The following SLC24A5 variants were observed in gnomAD, a reference collection of about 807,000 sequenced individuals.
SLC24A5 encodes sodium/potassium/calcium exchanger 5.
Under a neutral mutation model 51.6 loss-of-function variants are expected in SLC24A5, and 46 were observed. That is an observed-to-expected ratio of 0.89 (90% CI 0.70 to 1.14). SLC24A5 has a LOEUF of 1.14. SLC24A5 is among the 50% of genes most tolerant of loss of function. The pLI is 0.00. For missense variants in SLC24A5, 581 were observed against 604.1 expected (o/e 0.96, Z 0.40); for synonymous variants, 230 against 214.9 (o/e 1.07, Z -0.62).
In SLC24A5 at chr15:48,134,907, CCT is replaced by C. The variant is rs771026148; in HGVS notation, c.514_515del (p.Leu172IlefsTer10). The C allele has an allele frequency of 4.3e-6, 7 of 1,611,704 alleles. No individual in the cohort carries two copies. The highest frequency in any genetic ancestry group is 5.9e-6 in the Non-Finnish European group (7 of 1,178,636). On this transcript the variant is annotated frameshift_variant, in exon 5 of 9. Transcript: ENST00000341459. LOFTEE classifies it high-confidence loss of function. The stretch of plus-strand genomic sequence containing the variant: ...AGGTCTCAACACTATCATGTTGGCC[CCT>C]ATTCAGAGACTGTGCAGCGTACACA... ...NTVSTLSCWP[L>X]FRDCAAYTIS...
chr15:48,136,440 C>T lies in SLC24A5; in HGVS notation c.591-243C>T, dbSNP rs529701659. The T allele has an allele frequency of 3.2e-5, 11 of 339,954 alleles. No individual in the cohort carries two copies. In the South Asian group the frequency reaches 1.2e-3, roughly 38 times the overall value. The allele number at this position is 339,954 out of a possible 1,614,324, so 21.1% of individuals were successfully genotyped here. A position where few individuals can be genotyped will look rare whatever the true frequency, so the allele number is the denominator to read the frequency against. On this transcript the variant is annotated intron_variant, in intron 5 of 8. Coordinates refer to ENST00000341459, the MANE Select transcript of SLC24A5 (RefSeq NM_205850.3). ...TTTGGAAGGAATCTACAAGTAAAAA[C>T]GAGTTTGTTGATCTTGTTTTTAAAA... is the stretch of plus-strand genomic sequence containing the variant.
In SLC24A5 at chr15:48,133,246, G is replaced by A. The variant is rs150841622; in HGVS notation, c.302-1012G>A. 1.2e-4 allele frequency among the ~76,000 whole-genome samples: 18 copies of A among 152,246 alleles called. No individual in the cohort carries two copies. The East Asian group carries it at 3.5e-3, about 29-fold the overall frequency. On this transcript the variant is annotated intron_variant, in intron 2 of 8. Transcript: ENST00000341459. ...AAACCCAAATTCTAGTTCTGACTTC[G>A]ATACTAACTTTGTGACCTAGGGTAG... is the stretch of plus-strand genomic sequence containing the variant.
chr15:48,139,513 T>G, intron 7 of SLC24A5: 1 of 163,038 alleles, frequency 6.1e-6, no homozygotes, highest in Non-Finnish European at 1.3e-5. Flanking sequence ...TTGAATTCCA[T>G]TCCATAATAA....
rs1292941286 is a variant in SLC24A5 at position 48,135,980 on chromosome 15, CAGACAG to C, written c.591-699_591-694del. The C allele has an allele frequency of 7.9e-5, 12 of 152,218 alleles. No homozygotes were observed. In the East Asian group the frequency reaches 2.1e-3, roughly 27 times the overall value. 9.4% of individuals were successfully genotyped at this position (152,218 alleles called of 1,614,324 possible). A position where few individuals can be genotyped will look rare whatever the true frequency, so the allele number is the denominator to read the frequency against. On this transcript the variant is annotated intron_variant, in intron 5 of 8. Coordinates refer to ENST00000341459, the MANE Select transcript of SLC24A5 (RefSeq NM_205850.3). Reference sequence around the variant, plus strand: ...ATCAGAACTGTTCTTTAAGATACAGCAGACAGAGATTCACTGGCTATAAAAGGTAAA... The same window carrying C: ...ATCAGAACTGTTCTTTAAGATACAGCAGATTCACTGGCTATAAAAGGTAAA...
intron 2 of SLC24A5, among the ~76,000 whole-genome samples, chr15:48,131,631 C>A (rs550961334): frequency 3.5e-4 from 54 of 152,290 alleles, no homozygotes; most frequent in Non-Finnish European, 6.8e-4. Flanking sequence ...GATGCCCAAT[C>A]TTGAACTTTT....
intron 8 of SLC24A5, 29 bp downstream of exon 8, chr15:48,141,243 G>C (rs761577296): frequency 6.6e-7 from 1 of 1,515,130 alleles, no homozygotes; most frequent in African/African-American, 1.4e-5. Context: ...AAGCTGCAAT[G>C]GTCATTCTAC....
In SLC24A5 at chr15:48,136,977, C is replaced by T. The variant is rs895285439; in HGVS notation, c.871+14C>T. On this transcript the variant is annotated intron_variant, in intron 6 of 8. Transcript: ENST00000341459. ...AGGTTTCTGAAGGTAATCACTAAAT[C>T]TTGCCCATTATTAAGTCTATTCGCA... is the stretch of plus-strand genomic sequence containing the variant. The T allele has an allele frequency of 6.3e-7, 1 of 1,598,492 alleles. No homozygotes were observed.
intron 5 of SLC24A5, chr15:48,135,788 T>G (rs2038882823): frequency 6.6e-6 from 1 of 152,050 alleles, no homozygotes; most frequent in Admixed American, 6.6e-5. Flanking sequence ...ATCAAGAAAC[T>G]TAAAACCTAG....
Position 48,141,131 on chromosome 15 carries a change from C to T in SLC24A5, c.1097C>T (p.Pro366Leu). ...ATTACAGGGGAAACACTAGAAATTC[C>T]CGATACAGTAATGGGCCTTACTTTA... is the stretch of plus-strand genomic sequence containing the variant. ...VTITGETLEI[P>L]DTVMGLTLLA... The change falls in exon 8 of 9, where the codon CCC becomes CTC. Residue 366 changes from proline to leucine, a missense_variant. Transcript: ENST00000341459. The T allele has an allele frequency of 6.2e-7, 1 of 1,613,110 alleles. No individual in the cohort carries two copies. Among genetic ancestry groups the T allele is most frequent in the Non-Finnish European group, 8.5e-7 (1 of 1,179,360 alleles).
At chr15:48,128,573 G>A (rs2038756252) in intron 2 of SLC24A5, among the ~76,000 whole-genome samples, 1 of 152,132 alleles carries the variant, frequency 6.6e-6, no homozygotes, top group African/African-American at 2.4e-5. Context: ...TGTGAGTATG[G>A]CATTTGGATA....
intron 2 of SLC24A5, 81 bp from the exon 3 acceptor site, chr15:48,134,177 C>G (rs1275686442): frequency 1.7e-6 from 2 of 1,145,470 alleles, no homozygotes; most frequent in Non-Finnish European, 2.6e-6. Flanking sequence ...GAAGCTGTAG[C>G]TTTGAGTATC....
rs1452770806 is a variant in SLC24A5, at chr15:48,142,164, C to A, written c.1316C>A (p.Thr439Asn). The A allele has an allele frequency of 6.2e-7, 1 of 1,613,750 alleles. No individual in the cohort carries two copies. Among genetic ancestry groups the A allele is most frequent in the Non-Finnish European group, 8.5e-7 (1 of 1,179,908 alleles). ...GCAGAAGTAAACAGCAGAGGACTAA[C>A]TTACATAACCATCTCTCTCAACATT... is the stretch of plus-strand genomic sequence containing the variant. ...APAEVNSRGLTYITISLNISI... is the reference protein window; with the variant it reads ...APAEVNSRGLNYITISLNISI... The change falls in exon 9 of 9, where the codon ACT (threonine) becomes AAT (asparagine). Residue 439 changes from threonine to asparagine, a missense_variant. Coordinates refer to ENST00000341459, the MANE Select transcript of SLC24A5 (RefSeq NM_205850.3).
chr15:48,141,272 A>G, intron 8 of SLC24A5, 58 bp downstream of exon 8: 2 of 1,384,170 alleles, frequency 1.4e-6, no homozygotes, highest in Non-Finnish European at 2.0e-6. Flanking sequence ...AATGAGTAAA[A>G]GTAGCTTTAA....
At chr15:48,133,035 C>G (rs1218901590) in intron 2 of SLC24A5, among the ~76,000 whole-genome samples, 5 of 151,894 alleles carry the variant, frequency 3.3e-5, no homozygotes, top group Non-Finnish European at 7.4e-5. Context: ...GACTACAGAA[C>G]AAGGTTCACC....
chr15:48,122,345 A>G (rs886251383), intron 2 of SLC24A5: 1 of 534,184 alleles, frequency 1.9e-6, no homozygotes, highest in Non-Finnish European at 3.3e-6. Flanking sequence ...ACTTGTATGT[A>G]CTTTGTGTGC....
At chr15:48,133,631 A>G (rs978978876) in intron 2 of SLC24A5, among the ~76,000 whole-genome samples, 1 of 152,160 alleles carries the variant, frequency 6.6e-6, no homozygotes, top group Non-Finnish European at 1.5e-5. Context: ...TTGTAATTAG[A>G]CAACGTTGAA....
intron 2 of SLC24A5, among the ~76,000 whole-genome samples, chr15:48,132,320 A>G (rs1192530567): frequency 6.6e-6 from 1 of 152,072 alleles, no homozygotes; most frequent in Non-Finnish European, 1.5e-5. Context: ...TTCCTCTCTG[A>G]CATTTTTCTC....
At chr15:48,126,312 T>A (rs2038730945) in intron 2 of SLC24A5, among the ~76,000 whole-genome samples, 1 of 152,164 alleles carries the variant, frequency 6.6e-6, no homozygotes, top group Admixed American at 6.5e-5. Context: ...TAAAAGAAAA[T>A]GCTGTTGCTA....
At chr15:48,137,941 C>T (rs1052511408) in intron 6 of SLC24A5, 1 of 152,036 alleles carries the variant, frequency 6.6e-6, no homozygotes, top group African/African-American at 2.4e-5. Flanking sequence ...TTGTCCAAAA[C>T]AGATTCTAAA....
Sources: gnomAD v4.1 joint callset for allele counts (sites outside exome capture counted in the v4.1 genomes callset) on GRCh38, gnomAD v4.1.1 for gene constraint, MANE v1.5 for transcripts, NCBI Gene and HGNC (gene_info 2026-07-23, HGNC 2026-07-21) for gene names.